INPP5J: variants seen among roughly 807,000 people sequenced by gnomAD.
INPP5J encodes inositol polyphosphate-5-phosphatase J.
A neutral mutation model predicts 86.6 loss-of-function variants in INPP5J; 75 were observed. The ratio of observed to expected loss-of-function variants is 0.87; its 90% CI spans 0.72 to 1.05. The LOEUF is 1.05. Ranked by LOEUF, INPP5J falls within the 50% of genes least tolerant of loss-of-function variation. The probability of loss-of-function intolerance (pLI) is 0.00; values close to 1 mark genes in which losing one functional copy is unlikely to be tolerated. For synonymous variants in INPP5J, 540 were observed against 550.0 expected, an observed-to-expected ratio of 0.98 and a Z score of 0.25; for missense variants, 1,229 against 1,341.2, an observed-to-expected ratio of 0.92 and a Z score of 1.31.
chr22:31,127,905 AC>A (rs1385851587), intron 6 of INPP5J, 45 bp from the exon 7 acceptor site: 10 of 994,126 alleles, frequency 1.0e-5, no homozygotes, highest in African/African-American at 4.8e-5. Flanking sequence ...ACCTGTTGAC[AC>A]CCCCCACTGC....
In INPP5J at chr22:31,126,977, C is replaced by T; in HGVS notation, c.1551C>T (p.His517=). The T allele has an allele frequency of 6.2e-7, 1 of 1,610,510 alleles. No homozygotes were observed. Among genetic ancestry groups the T allele is most frequent in the Non-Finnish European group, 8.5e-7 (1 of 1,178,454 alleles). The change falls in exon 5 of 13, where the codon CAC becomes CAT. Residue 517 remains histidine, a synonymous_variant. Coordinates refer to ENST00000331075, the MANE Select transcript of INPP5J (RefSeq NM_001284285.2). ...TGCTGCTGTTCGCCAAGTACTACCA[C>T]CTGCCCTTCCTGCGAGACGTGCAGA... ...VILLLFAKYY[H]LPFLRDVQTD... is the part of the protein sequence containing the mutation.
chr22:31,127,955 GT>G lies in INPP5J; in HGVS notation c.1793del (p.Val598GlyfsTer7). The G allele has an allele frequency of 6.9e-7, 1 of 1,452,308 alleles. No individual in the cohort carries two copies. The highest frequency in any genetic ancestry group is 9.2e-7 in the Non-Finnish European group (1 of 1,090,502). 90.0% of individuals were successfully genotyped at this position (1,452,308 alleles called of 1,614,324 possible). A position where few individuals can be genotyped will look rare whatever the true frequency, so the allele number is the denominator to read the frequency against. ...GAQGILDHDLVFWFGDLNFRI... is the reference protein window; with the variant it reads ...GAQGILDHDLXFWFGDLNFRI... ...CCCATCCCCCACCCCAAACAGCCTC[GT>G]GTTCTGGTTCGGGGACCTGAACTTC... On this transcript the variant is annotated frameshift_variant, in exon 7 of 13. Transcript: ENST00000331075. LOFTEE classifies it high-confidence loss of function.
chr22:31,125,634 C>T lies in INPP5J; in HGVS notation c.895C>T (p.Arg299Trp), dbSNP rs1386005410. 14 of 1,550,430 alleles carry T rather than the reference C, an allele frequency of 9.0e-6. No individual in the cohort carries two copies. Among genetic ancestry groups the T allele is most frequent in the South Asian group, 3.6e-5 (3 of 84,058 alleles). ...HSSPEDPVLPRPPQTLPLDVG... is the reference protein window; with the variant it reads ...HSSPEDPVLPWPPQTLPLDVG... ...CAGCCCTGAGGATCCTGTTTTGCCA[C>T]GGCCACCCCAGACCTTGCCCTTGGA... Residue 299 changes from arginine (R) to tryptophan (W), a missense_variant, in exon 2 of 13, where the codon CGG becomes TGG. By Grantham distance (101) the Arg-to-Trp change is moderately radical. Coordinates refer to ENST00000331075, the MANE Select transcript of INPP5J (RefSeq NM_001284285.2).
In INPP5J at chr22:31,134,450, C is replaced by A. The variant is rs1381224315; in HGVS notation, c.*31C>A. 9 of 1,435,658 alleles carry A rather than the reference C, an allele frequency of 6.3e-6. No individual in the cohort carries two copies. In the South Asian group the frequency reaches 7.7e-5, roughly 12 times the overall value. 88.9% of individuals were successfully genotyped at this position (1,435,658 alleles called of 1,614,324 possible). A position where few individuals can be genotyped will look rare whatever the true frequency, so the allele number is the denominator to read the frequency against. On this transcript the variant is annotated 3_prime_UTR_variant, in exon 13 of 13. Transcript: ENST00000331075. ...GGGTAGGCAGATGGGCCAAGGTGACCACCATTCTGCCTCAATCTTTTGCAA... is the reference window on the plus strand; with the variant it reads ...GGGTAGGCAGATGGGCCAAGGTGACAACCATTCTGCCTCAATCTTTTGCAA...
At chr22:31,126,592 A>C (rs1169696678) in intron 3 of INPP5J, 21 bp from the exon 4 acceptor site, 1 of 1,606,562 alleles carries the variant, frequency 6.2e-7, no homozygotes, top group Non-Finnish European at 8.5e-7. Flanking sequence ...TCCCATGGCC[A>C]CCCTGCCCCC....
intron 2 of INPP5J, 66 bp from the exon 3 acceptor site, chr22:31,126,310 G>C: frequency 1.5e-6 from 2 of 1,351,266 alleles, no homozygotes; most frequent in Non-Finnish European, 2.1e-6. Flanking sequence ...AGGGAGTCCT[G>C]TGAAAGGAAG....
intron 9 of INPP5J, among the ~76,000 whole-genome samples, chr22:31,128,884 G>A (rs1238611648): frequency 6.6e-6 from 1 of 151,324 alleles, no homozygotes; most frequent in Non-Finnish European, 1.5e-5. Flanking sequence ...GAACAGTTAG[G>A]ATTTGAACCC....
At chr22:31,133,057 C>G (rs9917541) in intron 9 of INPP5J, 41 bp from the exon 10 acceptor site, 21 of 1,551,702 alleles carry the variant, frequency 1.4e-5, no homozygotes, top group South Asian at 2.4e-5. Flanking sequence ...ACTAGAGGGT[C>G]TCCCCTGATG....
rs1921386611 is a variant in INPP5J at position 31,126,074 on chromosome 22, G to A, written c.1271+64G>A. ...AGCTCTGAGGTTAGCCATTCTTCCA[G>A]GGTGGATGGTGTGCTCTACCTCAGC... On this transcript the variant is annotated intron_variant, in intron 2 of 12. Transcript: ENST00000331075. 4 of 1,406,444 alleles carry A rather than the reference G, an allele frequency of 2.8e-6. No homozygotes were observed. The Admixed American group carries it at 1.0e-4, about 35-fold the overall frequency. The allele number at this position is 1,406,444 out of a possible 1,614,324, so 87.1% of individuals were successfully genotyped here.
chr22:31,128,103 G>A (rs1443988770), intron 7 of INPP5J, 41 bp downstream of exon 7: 2 of 1,507,716 alleles, frequency 1.3e-6, no homozygotes, highest in South Asian at 2.3e-5. Context: ...GCATGTCCCA[G>A]GACACGCCTG....
chr22:31,127,326 G>A lies in INPP5J; in HGVS notation c.1612-31G>A, dbSNP rs771133009. 2.3e-5 allele frequency: 36 copies of A among 1,573,896 alleles called. No individual in the cohort carries two copies. The East Asian group carries it at 4.1e-4, about 18-fold the overall frequency. On this transcript the variant is annotated intron_variant, in intron 5 of 12. Coordinates refer to ENST00000331075, the MANE Select transcript of INPP5J (RefSeq NM_001284285.2). ...TGCCTCACCTCCTGGCCTAAGCCCC[G>A]CCCATGAGCCATCCGACCCTGCCTC...
At position 31,125,481 on chromosome 22, in the gene INPP5J, G is replaced by A. The variant is rs1356409853; in HGVS notation, c.742G>A (p.Ala248Thr). 14 of 1,549,754 alleles carry A rather than the reference G, an allele frequency of 9.0e-6. No individual in the cohort carries two copies. The highest frequency in any genetic ancestry group is 1.2e-5 in the Non-Finnish European group (14 of 1,146,790). ...TGCCCCAGCCCCTAGACCTCTCCCT[G>A]CTTCTGAGGGGCATCTCCAGCCTCC... ...RDAPAPRPLP[A>T]SEGHLQPPAQ... is the part of the protein sequence containing the mutation. The change falls in exon 2 of 13, where the codon GCT (alanine) becomes ACT (threonine). Residue 248 changes from alanine (A) to threonine (T), a missense_variant. Ala to Thr is a moderately conservative substitution (Grantham distance 58). Transcript: ENST00000331075.
intron 9 of INPP5J, among the ~76,000 whole-genome samples, chr22:31,132,480 C>T (rs1922140676): frequency 6.6e-6 from 1 of 152,094 alleles, no homozygotes; most frequent in Non-Finnish European, 1.5e-5. Flanking sequence ...TGGCTCATGC[C>T]TATAATCCCA....
At chr22:31,129,823 G>A (rs1921904982) in intron 9 of INPP5J, among the ~76,000 whole-genome samples, 1 of 151,976 alleles carries the variant, frequency 6.6e-6, no homozygotes, top group African/African-American at 2.4e-5. Context: ...ATTACAAGGT[G>A]TGAGCCACCA....
chr22:31,133,267 G>A (rs2147886806), intron 10 of INPP5J, 32 bp downstream of exon 10: 1 of 1,604,220 alleles, frequency 6.2e-7, no homozygotes, highest in African/African-American at 1.3e-5. Flanking sequence ...AGCGACTCAG[G>A]GAAGAAAGGG....
At position 31,133,234 on chromosome 22, in the gene INPP5J, G is replaced by A. The variant is rs753272331; in HGVS notation, c.2330G>A (p.Arg777Gln). 10 of 1,606,240 alleles carry A rather than the reference G, an allele frequency of 6.2e-6. No individual in the cohort carries two copies. The African/African-American group carries it at 8.0e-5, about 13-fold the overall frequency. ...TCCTGGGACTGGATCGGCTTATACC[G>A]GGTGAGAGGGGCAGTGGTGGTCAGC... The part of the protein sequence containing the change: ...RSSWDWIGLY[R>Q]VGFRHCKDYV... The change falls in exon 10 of 13, where the codon CGG (arginine) becomes CAG (glutamine). Residue 777 changes from arginine to glutamine, a missense_variant and splice_region_variant. Arg to Gln is a conservative substitution (Grantham distance 43). Transcript: ENST00000331075.
In INPP5J at chr22:31,125,395, C is replaced by T. The variant is rs2147871024; in HGVS notation, c.656C>T (p.Ala219Val). Residue 219 changes from alanine (A) to valine (V), a missense_variant, in exon 2 of 13, where the codon GCT becomes GTT. Transcript: ENST00000331075. ...TCTCCAACTCAGGAACAGGCCCTGG[C>T]TCCAGCATCCACGGCATCAGGCGCA... ...VLSPTQEQAL[A>V]PASTASGAAS... 1.9e-6 allele frequency: 3 copies of T among 1,550,644 alleles called. No homozygotes were observed. In the East Asian group the frequency reaches 7.3e-5, roughly 38 times the overall value.
chr22:31,126,759 T>G, intron 4 of INPP5J, 38 bp downstream of exon 4: 1 of 1,557,982 alleles, frequency 6.4e-7, no homozygotes, highest in Non-Finnish European at 8.9e-7. Context: ...CCAGAGACCC[T>G]GCTGAATTCC....
Position 31,125,254 on chromosome 22 carries a change from C to G in INPP5J, c.515C>G (p.Ala172Gly). Residue 172 changes from alanine (A) to glycine (G), a missense_variant, in exon 2 of 13, where the codon GCC (alanine) becomes GGC (glycine). Ala to Gly is a moderately conservative substitution (Grantham distance 60). Coordinates refer to ENST00000331075, the MANE Select transcript of INPP5J (RefSeq NM_001284285.2). ...TSRDQKQEPPASVGPKPTLAA... is the reference protein window; with the variant it reads ...TSRDQKQEPPGSVGPKPTLAA... ...AGAGACCAGAAGCAGGAGCCACCTG[C>G]CTCCGTGGGACCCAAGCCAACACTG... is the stretch of plus-strand genomic sequence containing the variant. The G allele has an allele frequency of 6.4e-7, 1 of 1,550,520 alleles. No homozygotes were observed.
Sources: allele counts gnomAD v4.1 joint callset (sites outside exome capture counted in the v4.1 genomes callset), GRCh38; gene constraint gnomAD v4.1.1; transcripts MANE v1.5; gene names NCBI Gene and HGNC (gene_info 2026-07-23, HGNC 2026-07-21).